RPTOR: variants seen among roughly 807,000 people sequenced by gnomAD.
RPTOR encodes the protein regulatory associated protein of MTOR complex 1.
In RPTOR, 21 loss-of-function variants were observed where a neutral mutation model predicts 169.9. The observed-to-expected ratio is 0.12, with a 90% confidence interval of 0.09 to 0.18. RPTOR has a LOEUF of 0.18. Among genes scored for constraint, RPTOR ranks in the 10% least tolerant of loss-of-function variants. The pLI is 1.00. For synonymous variants in RPTOR, 732 were observed against 753.2 expected, an observed-to-expected ratio of 0.97 and a Z score of 0.46; for missense variants, 1,133 against 1,855.9, an observed-to-expected ratio of 0.61 and a Z score of 7.16.
rs751472732 is a variant in RPTOR, at chr17:80,891,792, A to G, written c.2056A>G (p.Ile686Val). ...TTTCTGCACCGTGGCCCTGCAGTTC[A>G]TAGAAGAGGAAAAGAACTACGCCTT... ...SNFCTVALQF[I>V]EEEKNYALPS... Residue 686 changes from isoleucine (I) to valine (V), a missense_variant, in exon 18 of 34, where the codon ATA becomes GTA. By Grantham distance (29) the Ile-to-Val change is conservative. Transcript: ENST00000306801. 2 of 1,614,112 alleles carry G rather than the reference A, an allele frequency of 1.2e-6. No individual in the cohort carries two copies. Among genetic ancestry groups the G allele is most frequent in the Non-Finnish European group, 1.7e-6 (2 of 1,180,000 alleles).
chr17:80,655,063 A>G (rs7212125), intron 3 of RPTOR, among the ~76,000 whole-genome samples: 21,004 of 152,266 alleles, frequency 0.14, 1,892 homozygotes, highest in African/African-American at 0.25. Context: ...TTTCTGTTGT[A>G]GGAAGATCTC....
chr17:80,904,681 C>T (rs1489896259), intron 20 of RPTOR, among the ~76,000 whole-genome samples: 1 of 152,172 alleles, frequency 6.6e-6, no homozygotes, highest in Non-Finnish European at 1.5e-5. Flanking sequence ...AGGACCCAGG[C>T]AGCCCCACCT....
Position 80,730,900 on chromosome 17 carries a change from A to C in RPTOR, c.654+194A>C, listed in dbSNP as rs576227701. 6.6e-6 allele frequency among the ~76,000 whole-genome samples: 1 copy of C among 151,870 alleles called. No individual in the cohort carries two copies. Among genetic ancestry groups the C allele is most frequent in the East Asian group, 1.9e-4 (1 of 5,152 alleles). On this transcript the variant is annotated intron_variant, in intron 5 of 33. Transcript: ENST00000306801. The surrounding 1 kb of genome is among the most constrained non-coding windows in gnomAD (Gnocchi z 4.2). ...CAGCACACTTTATTTTTGAAACATAATCTTGTTCTGTTGCCCAGGCTGGAG... is the reference window on the plus strand; with the variant it reads ...CAGCACACTTTATTTTTGAAACATACTCTTGTTCTGTTGCCCAGGCTGGAG...
At chr17:80,876,551 G>A (rs1598371182) in intron 13 of RPTOR, among the ~76,000 whole-genome samples, 1 of 107,682 alleles carries the variant, frequency 9.3e-6, no homozygotes, top group African/African-American at 4.5e-5. Context: ...TTCCCACCGA[G>A]CCTGTGCCAC....
chr17:80,783,261 CCTCT>C lies in RPTOR; in HGVS notation c.831-8181_831-8178del, dbSNP rs575539371. 2.7e-4 allele frequency among the ~76,000 whole-genome samples: 41 copies of C among 152,204 alleles called. 1 individual carries two copies. In the South Asian group the frequency reaches 8.1e-3, roughly 30 times the overall value. Reference sequence around the variant, plus strand: ...ATGCCTGTGTTGACACTCTCTTCCCCCTCTCTCTCTCCGTCTCTGTCCCCATCCC... The same window carrying C: ...ATGCCTGTGTTGACACTCTCTTCCCCCTCTCTCCGTCTCTGTCCCCATCCC... On this transcript the variant is annotated intron_variant, in intron 6 of 33. Transcript: ENST00000306801.
At chr17:80,887,294 C>G (rs1265188612) in intron 17 of RPTOR, among the ~76,000 whole-genome samples, 3 of 111,248 alleles carry the variant, frequency 2.7e-5, no homozygotes, top group Non-Finnish European at 5.2e-5. Flanking sequence ...GGTGCCACCT[C>G]GGGGGGTGCG....
rs574321057 is a variant in RPTOR, at chr17:80,820,159, G to C, written c.891-2042G>C. ...TACTGATCCTAGGCCACAGAGCTTCGGCGTGTGGTCTGGGCGCTGTCTGTC... is the reference window on the plus strand; with the variant it reads ...TACTGATCCTAGGCCACAGAGCTTCCGCGTGTGGTCTGGGCGCTGTCTGTC... On this transcript the variant is annotated intron_variant, in intron 7 of 33. Transcript: ENST00000306801. The surrounding 1 kb of genome is among the most constrained non-coding windows in gnomAD (Gnocchi z 4.1). Among the ~76,000 whole-genome samples the C allele has an allele frequency of 6.6e-6, 1 of 152,280 alleles. No homozygotes were observed. Among genetic ancestry groups the C allele is most frequent in the East Asian group, 1.9e-4 (1 of 5,182 alleles).
chr17:80,893,998 A>G (rs1472598195), intron 20 of RPTOR, 133 bp downstream of exon 20: 2 of 939,506 alleles, frequency 2.1e-6, no homozygotes, highest in African/African-American at 3.4e-5. Context: ...AATAAAGGTC[A>G]ACAGGACTGC....
chr17:80,656,972 C>G (rs1001002982), intron 3 of RPTOR, among the ~76,000 whole-genome samples: 1 of 152,200 alleles, frequency 6.6e-6, no homozygotes, highest in African/African-American at 2.4e-5. Context: ...CTTTGTTTAC[C>G]AGCATAAAGT....
intron 24 of RPTOR, among the ~76,000 whole-genome samples, chr17:80,926,789 CTA>C (rs1025375205): frequency 6.6e-6 from 1 of 152,254 alleles, no homozygotes; most frequent in African/African-American, 2.4e-5. Flanking sequence ...CCGCTCCTAA[CTA>C]GAGATTCGCA....
At chr17:80,647,825 C>T (rs8077832) in intron 3 of RPTOR, among the ~76,000 whole-genome samples, 96,194 of 151,314 alleles carry the variant, frequency 0.64, 30,982 homozygotes, top group African/African-American at 0.74. Flanking sequence ...GTGTGGCGGC[C>T]GTGGGGCTTC....
At chr17:80,676,714 A>T (rs2065863578) in intron 3 of RPTOR, among the ~76,000 whole-genome samples, 1 of 152,250 alleles carries the variant, frequency 6.6e-6, no homozygotes, top group African/African-American at 2.4e-5. Context: ...CAGGCCTGGA[A>T]GCCTGCGTGG....
At chr17:80,817,768 A>G (rs2067338991) in intron 7 of RPTOR, among the ~76,000 whole-genome samples, 1 of 152,168 alleles carries the variant, frequency 6.6e-6, no homozygotes, top group Non-Finnish European at 1.5e-5. Flanking sequence ...AGTTCCCAGC[A>G]GAGGGTGGTG....
At position 80,841,949 on chromosome 17, in the gene RPTOR, A is replaced by T. The variant is rs373983036; in HGVS notation, c.1212+3952A>T. Among the ~76,000 whole-genome samples the T allele has an allele frequency of 2.4e-3, 165 of 67,538 alleles. 1 individual carries two copies. The highest frequency in any genetic ancestry group is 0.012 in the East Asian group (28 of 2,386). The allele number at this position is 67,538 out of a possible 152,430, so 44.3% of individuals were successfully genotyped here. A position where few individuals can be genotyped will look rare whatever the true frequency, so the allele number is the denominator to read the frequency against. On this transcript the variant is annotated intron_variant, in intron 10 of 33. Coordinates refer to ENST00000306801, the MANE Select transcript of RPTOR (RefSeq NM_020761.3). ...TCACACTCACCGCACGGCAGCTCAC[A>T]CTCACCGCACGGCAGCTCACTCTCA...
intron 24 of RPTOR, among the ~76,000 whole-genome samples, chr17:80,927,161 G>C (rs1443960295): frequency 6.6e-6 from 1 of 152,252 alleles, no homozygotes; most frequent in African/African-American, 2.4e-5. Context: ...GCTGGGAGGT[G>C]GCTGGACACT....
chr17:80,893,971 G>T, intron 20 of RPTOR, 106 bp downstream of exon 20: 1 of 1,183,598 alleles, frequency 8.4e-7, no homozygotes, highest in Non-Finnish European at 1.1e-6. Flanking sequence ...TGTCAAAACT[G>T]TCTGTTCAAA....
At chr17:80,572,136 C>T (rs2143313186) in intron 1 of RPTOR, among the ~76,000 whole-genome samples, 1 of 152,284 alleles carries the variant, frequency 6.6e-6, no homozygotes, top group Non-Finnish European at 1.5e-5. Context: ...CTCACTCTGT[C>T]ACCCAGGTGG....
At chr17:80,779,234 C>A (rs548725145) in intron 6 of RPTOR, among the ~76,000 whole-genome samples, 1 of 152,202 alleles carries the variant, frequency 6.6e-6, no homozygotes, top group Non-Finnish European at 1.5e-5. Context: ...GTTTCAACTT[C>A]TGCCTGTAGA....
chr17:80,631,089 T>A lies in RPTOR; in HGVS notation c.265+5296T>A, dbSNP rs1046336795. Among the ~76,000 whole-genome samples, 4 of 152,136 alleles carry A rather than the reference T, an allele frequency of 2.6e-5. No individual in the cohort carries two copies. In the East Asian group the frequency reaches 7.7e-4, roughly 29 times the overall value. Reference sequence around the variant, plus strand: ...CTGCTCCTATCCCAGGAGTAGGCTGTTTTGCACCTTCCCTCACCCCATCCT... The same window carrying A: ...CTGCTCCTATCCCAGGAGTAGGCTGATTTGCACCTTCCCTCACCCCATCCT... On this transcript the variant is annotated intron_variant, in intron 2 of 33. Transcript: ENST00000306801.
Sources: allele counts gnomAD v4.1 joint callset (sites outside exome capture counted in the v4.1 genomes callset), GRCh38; gene constraint gnomAD v4.1.1; non-coding constraint Gnocchi (gnomAD v3.1); transcripts MANE v1.5; gene names NCBI Gene and HGNC (gene_info 2026-07-23, HGNC 2026-07-21).